The following WIPF1 variants were observed in gnomAD, a reference collection of about 807,000 sequenced individuals.
WIPF1 encodes WAS/WASL interacting protein family member 1, also known as WAS/WASL-interacting protein family member 1.
In WIPF1, 13 loss-of-function variants were observed where a neutral mutation model predicts 35.4. The ratio of observed to expected loss-of-function variants is 0.37; its 90% confidence interval spans 0.24 to 0.58. The LOEUF is 0.58. Ranked by LOEUF, WIPF1 falls within the 20% of genes least tolerant of loss-of-function variation. The pLI is 0.74. For synonymous variants in WIPF1, 267 were observed against 266.3 expected, an observed-to-expected ratio of 1.00 and a Z score of -0.02; for missense variants, 591 against 667.0, an observed-to-expected ratio of 0.89 and a Z score of 1.25.
chr2:174,568,134 C>T, intron 5 of WIPF1, 61 bp from the exon 6 acceptor site: 1 of 1,534,708 alleles, frequency 6.5e-7, no homozygotes, highest in African/African-American at 1.4e-5. Flanking sequence ...ACCGTGGTCA[C>T]CATTGGTGTA....
Position 174,618,414 on chromosome 2 carries a change from G to C in WIPF1, c.-38-32803C>G, listed in dbSNP as rs181600550. On this transcript the variant is annotated intron_variant, in intron 1 of 8. Coordinates refer to the WIPF1 transcript ENST00000272746. Reference sequence around the variant, plus strand: ...CAGGCAAAAATGGACAGCTGAGCCAGTCAATCAGTGGACTTAAGAGAGGAG... The same window carrying C: ...CAGGCAAAAATGGACAGCTGAGCCACTCAATCAGTGGACTTAAGAGAGGAG... Among the ~76,000 whole-genome samples the C allele has an allele frequency of 5.6e-4, 85 of 152,370 alleles. 1 individual carries two copies. The highest frequency in any genetic ancestry group is 2.0e-3 in the African/African-American group (82 of 41,584).
chr2:174,672,419 G>T (rs916556888), intron 1 of WIPF1, among the ~76,000 whole-genome samples: 1 of 152,156 alleles, frequency 6.6e-6, no homozygotes, highest in Non-Finnish European at 1.5e-5. Flanking sequence ...CAGTGTTTCA[G>T]CTAATATTCC....
chr2:174,604,500 T>C (rs1010197425), intron 1 of WIPF1, among the ~76,000 whole-genome samples: 1 of 152,162 alleles, frequency 6.6e-6, no homozygotes, highest in Admixed American at 6.5e-5. Context: ...ACAATGTATA[T>C]GTCCAGTATT....
chr2:174,601,189 A>T (rs780862587), upstream of WIPF1, among the ~76,000 whole-genome samples: 1 of 152,062 alleles, frequency 6.6e-6, no homozygotes, highest in Non-Finnish European at 1.5e-5. Flanking sequence ...AGCCTCCCAA[A>T]GTGCTGGGAT....
At chr2:174,654,350 G>A (rs1250554696) in intron 1 of WIPF1, among the ~76,000 whole-genome samples, 4 of 152,008 alleles carry the variant, frequency 2.6e-5, no homozygotes, top group African/African-American at 9.7e-5. Context: ...TTTCTTAGGA[G>A]TCCTTTTCTT....
chr2:174,603,873 C>A (rs1410591065), intron 1 of WIPF1, among the ~76,000 whole-genome samples: 1 of 151,954 alleles, frequency 6.6e-6, no homozygotes, highest in Non-Finnish European at 1.5e-5. Context: ...ATACTGAAAT[C>A]CCAAAAGATC....
At chr2:174,649,316 T>C (rs1384340235) in intron 1 of WIPF1, among the ~76,000 whole-genome samples, 1 of 152,216 alleles carries the variant, frequency 6.6e-6, no homozygotes, top group East Asian at 1.9e-4. Context: ...GCTTTCTGGC[T>C]GGGGAGAGAT....
intron 1 of WIPF1, among the ~76,000 whole-genome samples, chr2:174,609,914 A>G (rs913597792): frequency 1.3e-5 from 2 of 152,112 alleles, no homozygotes; most frequent in Non-Finnish European, 2.9e-5. Context: ...TTTGTTACCA[A>G]ACATATCACA....
chr2:174,660,410 T>C (rs1353009488), intron 1 of WIPF1, among the ~76,000 whole-genome samples: 1 of 152,216 alleles, frequency 6.6e-6, no homozygotes, highest in African/African-American at 2.4e-5. Flanking sequence ...AGGTGCTCTA[T>C]AAACATTTGC....
chr2:174,635,745 T>C (rs1200247427), intron 1 of WIPF1, among the ~76,000 whole-genome samples: 1 of 152,102 alleles, frequency 6.6e-6, no homozygotes, highest in Non-Finnish European at 1.5e-5. Context: ...AAAAAAATGC[T>C]TTTAAATGGA....
intron 1 of WIPF1, among the ~76,000 whole-genome samples, chr2:174,670,562 C>T (rs1457692275): frequency 6.6e-6 from 1 of 152,238 alleles, no homozygotes; most frequent in Admixed American, 6.5e-5. Context: ...GGTCCAGAAT[C>T]TTGCCATGCA....
intron 1 of WIPF1, among the ~76,000 whole-genome samples, chr2:174,618,633 A>G (rs535572593): frequency 6.6e-6 from 1 of 152,210 alleles, no homozygotes; most frequent in Non-Finnish European, 1.5e-5. Flanking sequence ...AACTCATTCA[A>G]TTCTCACAAC....
intron 1 of WIPF1, among the ~76,000 whole-genome samples, chr2:174,614,462 CAG>C (rs887946344): frequency 3.3e-5 from 5 of 152,066 alleles, no homozygotes; most frequent in African/African-American, 1.2e-4. Flanking sequence ...ACATAACAAA[CAG>C]AGAGAAAATA....
At chr2:174,584,394 A>G (rs1393949040) in intron 2 of WIPF1, among the ~76,000 whole-genome samples, 1 of 152,194 alleles carries the variant, frequency 6.6e-6, no homozygotes, top group Non-Finnish European at 1.5e-5. Context: ...AATGTGTCTC[A>G]TGGAAACCTG....
At chr2:174,664,126 G>GTCCCTCTC (rs1687837067) in intron 1 of WIPF1, among the ~76,000 whole-genome samples, 1 of 149,754 alleles carries the variant, frequency 6.7e-6, no homozygotes, top group South Asian at 2.1e-4. Flanking sequence ...CTGTCCCTCT[G>GTCCCTCTC]TCCCTCTCTC....
intron 1 of WIPF1, among the ~76,000 whole-genome samples, chr2:174,629,480 C>G (rs191271739): frequency 1.8e-3 from 276 of 152,204 alleles, no homozygotes; most frequent in Middle Eastern, 3.4e-3. Flanking sequence ...CTGCCCTGAG[C>G]TTTCACAAGG....
chr2:174,680,844 T>C (rs1688230920), intron 1 of WIPF1, among the ~76,000 whole-genome samples: 3 of 152,162 alleles, frequency 2.0e-5, no homozygotes, highest in Non-Finnish European at 4.4e-5. Context: ...TTTTGCTGCT[T>C]CCTTCACACC....
intron 1 of WIPF1, among the ~76,000 whole-genome samples, chr2:174,668,138 C>CA (rs1257228492): frequency 1.3e-5 from 2 of 152,202 alleles, no homozygotes; most frequent in Non-Finnish European, 2.9e-5. Context: ...CAGTAAAAAA[C>CA]AGATTGTTCT....
chr2:174,646,363 G>A lies in WIPF1; in HGVS notation c.-39+36411C>T, dbSNP rs1204165184. 2.0e-5 allele frequency among the ~76,000 whole-genome samples: 3 copies of A among 152,134 alleles called. No individual in the cohort carries two copies. In the East Asian group the frequency reaches 5.8e-4, roughly 29 times the overall value. On this transcript the variant is annotated intron_variant, in intron 1 of 8. Coordinates refer to the WIPF1 transcript ENST00000272746. ...AAAGAAAGAATTCTGAAATCAAACT[G>A]CCTGGGTTCAAATACCAAATCCATT...
Sources: gnomAD v4.1 joint callset for allele counts (sites outside exome capture counted in the v4.1 genomes callset) on GRCh38, gnomAD v4.1.1 for gene constraint, MANE v1.5 for transcripts, NCBI Gene and HGNC (gene_info 2026-07-23, HGNC 2026-07-21) for gene names.